Variants in ENOX2 observed in about 807,000 individuals in gnomAD.
ENOX2 encodes ecto-NOX disulfide-thiol exchanger 2.
Under a neutral mutation model 45.0 loss-of-function variants are expected in ENOX2, and 36 were observed. The observed-to-expected ratio is 0.80, with a 90% CI of 0.61 to 1.06. ENOX2 has a LOEUF of 1.06. Ranked by LOEUF, ENOX2 falls within the 50% of genes least tolerant of loss-of-function variation. The pLI, the probability that ENOX2 is intolerant of heterozygous loss-of-function variation, is 0.00. For synonymous variants in ENOX2, 174 were observed against 152.3 expected (o/e 1.14, Z -1.05); for missense variants, 423 against 462.5 (o/e 0.91, Z 0.78).
chrX:130,632,222 CTT>C (rs1176880669), intron 12 of ENOX2, among the ~76,000 whole-genome samples: 2 of 110,731 alleles, frequency 1.8e-5, no homozygotes, highest in Non-Finnish European at 3.8e-5. Context: ...ATTTACTAGT[CTT>C]TCTCTCTCTC....
At chrX:130,754,804 T>G (rs1219206835) in intron 3 of ENOX2, among the ~76,000 whole-genome samples, 1 of 111,273 alleles carries the variant, frequency 9.0e-6, no homozygotes, top group Non-Finnish European at 1.9e-5. Context: ...TGTTCATTAC[T>G]TGGGTAACAG....
At chrX:130,665,611 C>G (rs370502329) in intron 9 of ENOX2, 32 bp downstream of exon 9, 11 of 1,031,605 alleles carry the variant, frequency 1.1e-5, no homozygotes, top group Admixed American at 4.9e-5. Context: ...AACTGTCCCC[C>G]CAAGGGGCTA....
intron 6 of ENOX2, among the ~76,000 whole-genome samples, chrX:130,678,977 T>C (rs2037226876): frequency 9.0e-6 from 1 of 110,905 alleles, no homozygotes; most frequent in Non-Finnish European, 1.9e-5. Context: ...CACGTTCTGG[T>C]GGGGGAGATG....
At position 130,628,014 on chromosome X, in the gene ENOX2, GGTGAACAT is replaced by G. The variant is rs1382606235; in HGVS notation, c.1550_1557del (p.His517ProfsTer7). 8.3e-7 allele frequency: 1 copy of G among 1,202,849 alleles called. No individual in the cohort carries two copies. The highest frequency in any genetic ancestry group is 1.8e-5 in the South Asian group (1 of 56,705). ...ATGTATTCAATGCTTGCTCCAAATG[GGTGAACAT>G]GAAGGAATGTGGAGATAATCCCTAC... is the stretch of plus-strand genomic sequence containing the variant. On this transcript the variant is annotated frameshift_variant, in exon 14 of 15. Coordinates refer to ENST00000394363, the MANE Select transcript of ENOX2 (RefSeq NM_006375.4). LOFTEE classifies it high-confidence loss of function.
chrX:130,832,276 G>A (rs1053612876), intron 2 of ENOX2, among the ~76,000 whole-genome samples: 1 of 110,610 alleles, frequency 9.0e-6, no homozygotes, highest in African/African-American at 3.3e-5. Context: ...TCAATTTAGA[G>A]CTGGAGCTTA....
At chrX:130,678,803 T>A (rs1398554184) in intron 6 of ENOX2, among the ~76,000 whole-genome samples, 1 of 111,655 alleles carries the variant, frequency 9.0e-6, no homozygotes, top group African/African-American at 3.3e-5. Flanking sequence ...CCTCACCCTT[T>A]GCTGCATCCC....
In ENOX2 at chrX:130,878,088, C is replaced by T. The variant is rs556558224; in HGVS notation, c.-183+23596G>A. Among the ~76,000 whole-genome samples, 20 of 112,122 alleles carry T rather than the reference C, an allele frequency of 1.8e-4. No homozygotes were observed. The South Asian group carries it at 7.5e-3, about 42-fold the overall frequency. ...GTTCTAATGTTCTAACATAGCCCTT[C>T]TGTTACTTCCAGTAATAAATCCATG... On this transcript the variant is annotated intron_variant, in intron 2 of 14. Transcript: ENST00000394363.
intron 2 of ENOX2, among the ~76,000 whole-genome samples, chrX:130,788,341 G>A (rs1430387440): frequency 8.9e-6 from 1 of 111,751 alleles, no homozygotes; most frequent in African/African-American, 3.3e-5. Flanking sequence ...TAGACATGAT[G>A]AAACTGAAAA....
Position 130,645,761 on chromosome X carries a change from G to A in ENOX2, c.1130-8351C>T. 6 of 828,865 alleles carry A rather than the reference G, an allele frequency of 7.2e-6. No individual in the cohort carries two copies. In the Admixed American group the frequency reaches 1.5e-4, roughly 20 times the overall value. The allele number at this position is 828,865 out of a possible 1,213,427, so 68.3% of individuals were successfully genotyped here. A position where few individuals can be genotyped will look rare whatever the true frequency, so the allele number is the denominator to read the frequency against. ...CAGCCATGGTGTGGCGCCGGCTTCT[G>A]CGGAAGAGGTGGGTTCTCGTCCTGG... is the stretch of plus-strand genomic sequence containing the variant. On this transcript the variant is annotated intron_variant, in intron 10 of 14. Coordinates refer to ENST00000394363, the MANE Select transcript of ENOX2 (RefSeq NM_006375.4).
rs1257695598 is a variant in ENOX2 at position 130,768,440 on chromosome X, T to C, written c.-39+15107A>G. On this transcript the variant is annotated intron_variant, in intron 3 of 14. Coordinates refer to ENST00000394363, the MANE Select transcript of ENOX2 (RefSeq NM_006375.4). Reference sequence around the variant, plus strand: ...ATAAATACACCCTTAGGCATGTTGGTTGAGAATCACTGAACAAAATGATCT... The same window carrying C: ...ATAAATACACCCTTAGGCATGTTGGCTGAGAATCACTGAACAAAATGATCT... Among the ~76,000 whole-genome samples, 3 of 112,161 alleles carry C rather than the reference T, an allele frequency of 2.7e-5. No individual in the cohort carries two copies. The East Asian group carries it at 8.4e-4, about 31-fold the overall frequency.
chrX:130,848,938 G>GT (rs1405571662), intron 2 of ENOX2, among the ~76,000 whole-genome samples: 1 of 112,175 alleles, frequency 8.9e-6, no homozygotes, highest in East Asian at 2.8e-4. Context: ...CTGCAAAACA[G>GT]TGAGTAGGCA....
intron 3 of ENOX2, among the ~76,000 whole-genome samples, chrX:130,749,649 G>A (rs954959463): frequency 9.0e-6 from 1 of 110,586 alleles, no homozygotes; most frequent in African/African-American, 3.3e-5. Context: ...CTTCCCCCAA[G>A]TCTCTACCAT....
intron 2 of ENOX2, among the ~76,000 whole-genome samples, chrX:130,798,309 T>C (rs1052522162): frequency 8.9e-6 from 1 of 112,666 alleles, no homozygotes; most frequent in African/African-American, 3.2e-5. Context: ...GATTCTAATG[T>C]GCAGCCAGAA....
At chrX:130,759,747 CTTTATT>C (rs775587236) in intron 3 of ENOX2, among the ~76,000 whole-genome samples, 237 of 109,793 alleles carry the variant, frequency 2.2e-3, no homozygotes, top group Non-Finnish European at 3.5e-3. Flanking sequence ...ATTCTTCCCA[CTTTATT>C]TTTATTTTTT....
intron 12 of ENOX2, among the ~76,000 whole-genome samples, chrX:130,631,886 A>C (rs1381116142): frequency 9.2e-6 from 1 of 108,551 alleles, no homozygotes; most frequent in Non-Finnish European, 1.9e-5. Context: ...ATGGTATACT[A>C]ACAAGATGCT....
chrX:130,694,706 G>T (rs977225659), intron 4 of ENOX2, among the ~76,000 whole-genome samples: 9 of 106,056 alleles, frequency 8.5e-5, no homozygotes, highest in Non-Finnish European at 1.7e-4. Flanking sequence ...GGGTTCAAGC[G>T]ATTCTCCTGC....
At chrX:130,873,746 G>A (rs2078643838) in intron 2 of ENOX2, among the ~76,000 whole-genome samples, 2 of 111,313 alleles carry the variant, frequency 1.8e-5, no homozygotes, top group Admixed American at 9.5e-5. Flanking sequence ...CTTTTGCAGG[G>A]ACATGGATGA....
chrX:130,689,271 T>C lies in ENOX2; in HGVS notation c.98-253A>G, dbSNP rs146955732. ...TCATTGTGGCATCCAAGGTCTTTCA[T>C]AGGATGGCCATGCCTTGTCTATTGA... On this transcript the variant is annotated intron_variant, in intron 4 of 14. Transcript: ENST00000394363. 5.1e-3 allele frequency among the ~76,000 whole-genome samples: 571 copies of C among 111,978 alleles called. 1 individual carries two copies. The highest frequency in any genetic ancestry group is 8.2e-3 in the Non-Finnish European group (438 of 53,194).
chrX:130,798,377 T>G (rs2077168409), intron 2 of ENOX2, among the ~76,000 whole-genome samples: 1 of 112,992 alleles, frequency 8.9e-6, no homozygotes, highest in African/African-American at 3.2e-5. Flanking sequence ...GAGTATTCGC[T>G]GTCCAAAGTT....
Sources: allele counts gnomAD v4.1 joint callset (sites outside exome capture counted in the v4.1 genomes callset), GRCh38; gene constraint gnomAD v4.1.1; transcripts MANE v1.5; gene names NCBI Gene and HGNC (gene_info 2026-07-23, HGNC 2026-07-21).